The following CLCN2 variants were observed in gnomAD, a reference collection of about 807,000 sequenced individuals.
The protein encoded by CLCN2 is chloride channel protein 2.
In CLCN2, 72 loss-of-function variants were observed where a neutral mutation model predicts 108.3. The ratio of observed to expected loss-of-function variants is 0.66; its 90% CI spans 0.55 to 0.81. The LOEUF (loss-of-function observed/expected upper bound fraction) is 0.81. Ranked by LOEUF, CLCN2 falls within the 30% of genes least tolerant of loss-of-function variation. The probability of loss-of-function intolerance (pLI) is 0.00; values close to 1 mark genes in which losing one functional copy is unlikely to be tolerated. For missense variants in CLCN2, 1,048 were observed against 1,205.2 expected (o/e 0.87, Z 1.93); for synonymous variants, 471 against 467.1 (o/e 1.01, Z -0.11).
chr3:184,358,439 G>A, intron 3 of CLCN2, 129 bp from the exon 4 acceptor site: 4 of 1,358,634 alleles, frequency 2.9e-6, no homozygotes, highest in South Asian at 1.2e-5. Flanking sequence ...GAAGGAAAGG[G>A]TCCCTGAGGG....
rs567251418 is a variant in CLCN2, at chr3:184,347,256, C to T, written c.2416-235G>A. 1.8e-4 allele frequency: 101 copies of T among 575,934 alleles called. 1 individual carries two copies. The highest frequency in any genetic ancestry group is 2.8e-4 in the Non-Finnish European group (89 of 319,238). 35.7% of individuals were successfully genotyped at this position (575,934 alleles called of 1,614,324 possible). The stretch of plus-strand genomic sequence containing the variant: ...AAAATCCTTATATTGCTTACACTGA[C>T]GGAGAAATAGGATGGGGGAGTAATT... On this transcript the variant is annotated intron_variant, in intron 22 of 23. Transcript: ENST00000265593.
intron 18 of CLCN2, 107 bp downstream of exon 18, chr3:184,352,926 C>T: frequency 6.6e-7 from 1 of 1,514,758 alleles, no homozygotes; most frequent in Non-Finnish European, 9.2e-7. Flanking sequence ...CCCATGTGGG[C>T]AGCCTCTTCC....
chr3:184,358,183 G>A lies in CLCN2; in HGVS notation c.480C>T (p.Val160=), dbSNP rs764005393. ...CCCTCCCCTTCTCTTCTAACATACC[G>A]ACAGCCTGAGGGGCCAGGATCTGTG... ...GFTQILAPQA[V]GSGIPEMKTI... Residue 160 remains valine, a splice_region_variant and synonymous_variant, in exon 4 of 24, where the codon GTC becomes GTT. Coordinates refer to ENST00000265593, the MANE Select transcript of CLCN2 (RefSeq NM_004366.6). 1.1e-5 allele frequency: 18 copies of A among 1,613,976 alleles called. No homozygotes were observed. The highest frequency in any genetic ancestry group is 1.4e-5 in the Non-Finnish European group (17 of 1,180,026).
rs746334665 is a variant in CLCN2, at chr3:184,354,910, C to A, written c.1390G>T (p.Val464Phe). 4 of 1,613,934 alleles carry A rather than the reference C, an allele frequency of 2.5e-6. No individual in the cohort carries two copies. The East Asian group carries it at 8.9e-5, about 36-fold the overall frequency. ...VPCGAFMPVF[V>F]IGAAFGRLVG... is the part of the protein sequence containing the mutation. ...CAGGCAGCTGAGAACTCACCAATGACAAAGACAGGCATGAAGGCCCCACAG... is the reference window on the plus strand; with the variant it reads ...CAGGCAGCTGAGAACTCACCAATGAAAAAGACAGGCATGAAGGCCCCACAG... The change falls in exon 13 of 24, where the codon GTC becomes TTC. Residue 464 changes from valine (V) to phenylalanine (F), a missense_variant. Transcript: ENST00000265593.
intron 1 of CLCN2, among the ~76,000 whole-genome samples, chr3:184,360,832 A>G (rs1286406444): frequency 6.6e-6 from 1 of 152,058 alleles, no homozygotes. Flanking sequence ...CAATTCCCAC[A>G]CCCATTCCTG....
rs1727682474 is a variant in CLCN2, at chr3:184,346,618, G to T, written c.2685C>A (p.Asp895Glu). ...PREGSPSDSD[D>E]KCQ ...ACCCACGAGGGGCTCATTGGCATTTGTCGTCGCTGTCGGAAGGGCTGCCCT... is the reference window on the plus strand; with the variant it reads ...ACCCACGAGGGGCTCATTGGCATTTTTCGTCGCTGTCGGAAGGGCTGCCCT... Residue 895 changes from aspartate (D) to glutamate (E), a missense_variant, in exon 24 of 24, where the codon GAC becomes GAA. Coordinates refer to ENST00000265593, the MANE Select transcript of CLCN2 (RefSeq NM_004366.6). This position sits in a 1 kb window ranked among gnomAD's most constrained non-coding sequence, Gnocchi z 6.0. The T allele has an allele frequency of 6.2e-7, 1 of 1,614,032 alleles. No homozygotes were observed. The highest frequency in any genetic ancestry group is 2.2e-5 in the East Asian group (1 of 44,870).
In CLCN2 at chr3:184,358,758, G is replaced by A. The variant is rs764421353; in HGVS notation, c.276C>T (p.Ile92=). 5.6e-6 allele frequency: 9 copies of A among 1,608,826 alleles called. No homozygotes were observed. The highest frequency in any genetic ancestry group is 4.5e-5 in the East Asian group (2 of 44,746). ...TGAGAAGCCCCAGCAGGACCAGGAA[G>A]ATCCAATCTTCACCAACCCTGGATA... The part of the protein sequence containing the change: ...FLVSRVGEDW[I]FLVLLGLLMA... Residue 92 remains isoleucine, a synonymous_variant, in exon 3 of 24, where the codon ATC becomes ATT. Transcript: ENST00000265593.
At position 184,355,499 on chromosome 3, in the gene CLCN2, ACAGGGTGAC is replaced by A; in HGVS notation, c.1192_1200del (p.Val398_Leu400del). On this transcript the variant is annotated inframe_deletion, in exon 12 of 24. Transcript: ENST00000265593. The surrounding 1 kb of genome is among the most constrained non-coding windows in gnomAD (Gnocchi z 6.3). ...TGGCGGACCCACGTCCGATTGTCAA[ACAGGGTGAC>A]CAGCGTCTCTTTCTGTGAGAGCTAG... The A allele has an allele frequency of 9.9e-6, 16 of 1,614,120 alleles. No individual in the cohort carries two copies. The highest frequency in any genetic ancestry group is 1.4e-5 in the Non-Finnish European group (16 of 1,180,016).
rs1436805140 is a variant in CLCN2 at position 184,361,113 on chromosome 3, A to C, written c.63+304T>G. On this transcript the variant is annotated intron_variant, in intron 1 of 23. Transcript: ENST00000265593. The surrounding 1 kb of genome is among the most constrained non-coding windows in gnomAD (Gnocchi z 6.6). ...CCGCGGAAGGGGCAGTGGGGTGCTG[A>C]GACTTGGGCCCAGGTGGTGAAGGGG... Among the ~76,000 whole-genome samples, 2 of 152,132 alleles carry C rather than the reference A, an allele frequency of 1.3e-5. No homozygotes were observed. The highest frequency in any genetic ancestry group is 2.4e-5 in the African/African-American group (1 of 41,422).
rs1245141384 is a variant in CLCN2, at chr3:184,357,091, AAT to A, written c.985_986del (p.Ile329CysfsTer2). ...AGAGGGCTCCACCGAAGCCACTAGCAATACTGGAAAGGGAAGAGGCACCTGAG... is the reference window on the plus strand; with the variant it reads ...AGAGGGCTCCACCGAAGCCACTAGCAACTGGAAAGGGAAGAGGCACCTGAG... ...QELPAFAVIG[I>X]ASGFGGALFV... On this transcript the variant is annotated frameshift_variant and splice_region_variant, in exon 10 of 24. Transcript: ENST00000265593. LOFTEE classifies it high-confidence loss of function. 4.3e-6 allele frequency: 7 copies of A among 1,613,264 alleles called. No homozygotes were observed. The highest frequency in any genetic ancestry group is 2.7e-5 in the African/African-American group (2 of 74,892).
At position 184,352,338 on chromosome 3, in the gene CLCN2, G is replaced by A. The variant is rs1376313190; in HGVS notation, c.2272-7C>T. 3.1e-6 allele frequency: 5 copies of A among 1,613,720 alleles called. No individual in the cohort carries two copies. Among genetic ancestry groups the A allele is most frequent in the East Asian group, 2.2e-5 (1 of 44,890 alleles). On this transcript the variant is annotated splice_region_variant and splice_polypyrimidine_tract_variant and intron_variant, in intron 20 of 23. Transcript: ENST00000265593. ...CTTCCAGGTCCGCGTCACTCTAGTA[G>A]AGAGGGAGGGAGGCTGGCAGCTAGG... is the stretch of plus-strand genomic sequence containing the variant.
In CLCN2 at chr3:184,355,101, C is replaced by G; in HGVS notation, c.1327-128G>C. On this transcript the variant is annotated intron_variant, in intron 12 of 23. Transcript: ENST00000265593. This position sits in a 1 kb window ranked among gnomAD's most constrained non-coding sequence, Gnocchi z 6.3. ...ACCCTCCCAGCCACCCCGTAACCCT[C>G]CTAGCTACCCTGGGACCCCCAGGCC... 1.1e-6 allele frequency: 1 copy of G among 941,074 alleles called. No individual in the cohort carries two copies. The highest frequency in any genetic ancestry group is 2.0e-5 in the Admixed American group (1 of 49,584). 58.3% of individuals were successfully genotyped at this position (941,074 alleles called of 1,614,324 possible).
At chr3:184,352,603 C>CCTGAG (rs1392985802) in intron 19 of CLCN2, 107 bp from the exon 20 acceptor site, 7 of 1,447,136 alleles carry the variant, frequency 4.8e-6, no homozygotes, top group Non-Finnish European at 6.7e-6. Context: ...CGCCACAGGA[C>CCTGAG]CTGAGCTGAC....
intron 1 of CLCN2, among the ~76,000 whole-genome samples, chr3:184,359,679 A>C (rs1284472283): frequency 6.6e-6 from 1 of 151,334 alleles, no homozygotes; most frequent in Admixed American, 6.6e-5. Context: ...CCCATTCTCC[A>C]CTGCCACCCC....
chr3:184,352,335 G>C lies in CLCN2; in HGVS notation c.2272-4C>G, dbSNP rs756856314. On this transcript the variant is annotated splice_region_variant and splice_polypyrimidine_tract_variant and intron_variant, in intron 20 of 23. Transcript: ENST00000265593. Reference sequence around the variant, plus strand: ...CGCCTTCCAGGTCCGCGTCACTCTAGTAGAGAGGGAGGGAGGCTGGCAGCT... The same window carrying C: ...CGCCTTCCAGGTCCGCGTCACTCTACTAGAGAGGGAGGGAGGCTGGCAGCT... 1.2e-6 allele frequency: 2 copies of C among 1,613,850 alleles called. No individual in the cohort carries two copies. Among genetic ancestry groups the C allele is most frequent in the South Asian group, 2.2e-5 (2 of 91,070 alleles).
chr3:184,348,075 TCACTTAAATTGCCTTAA>T (rs1330015187), intron 22 of CLCN2: 1 of 152,222 alleles, frequency 6.6e-6, no homozygotes, highest in African/African-American at 2.4e-5. Flanking sequence ...TACTCAGAAC[TCACTTAAATTGCCTTAA>T]CACTTTTTAA....
At chr3:184,354,691 A>C in intron 13 of CLCN2, 33 bp from the exon 14 acceptor site, 2 of 971,694 alleles carry the variant, frequency 2.1e-6, no homozygotes, top group African/African-American at 2.5e-5. Context: ...AGAAAGAGGC[A>C]GTGGAGGGGG....
At chr3:184,351,903 C>T in intron 22 of CLCN2, 110 bp downstream of exon 22, 3 of 833,608 alleles carry the variant, frequency 3.6e-6, no homozygotes, top group Non-Finnish European at 6.3e-6. Context: ...AGCCAACTCC[C>T]TTCTCCTCCC....
Position 184,361,328 on chromosome 3 carries a change from G to C in CLCN2, c.63+89C>G, listed in dbSNP as rs576008271. On this transcript the variant is annotated intron_variant, in intron 1 of 23. Coordinates refer to ENST00000265593, the MANE Select transcript of CLCN2 (RefSeq NM_004366.6). This position sits in a 1 kb window ranked among gnomAD's most constrained non-coding sequence, Gnocchi z 6.6. ...AGCTCAAAATGCTAGGACAGGATTA[G>C]GGTAGGCCCCTGGTCCTCGCGCTTC... is the stretch of plus-strand genomic sequence containing the variant. 243 of 1,334,606 alleles carry C rather than the reference G, an allele frequency of 1.8e-4. 1 individual carries two copies. In the East Asian group the frequency reaches 5.5e-3, roughly 30 times the overall value. 82.7% of individuals were successfully genotyped at this position (1,334,606 alleles called of 1,614,324 possible). A position where few individuals can be genotyped will look rare whatever the true frequency, so the allele number is the denominator to read the frequency against.
Sources: gnomAD v4.1 joint callset for allele counts (sites outside exome capture counted in the v4.1 genomes callset) on GRCh38, gnomAD v4.1.1 for gene constraint, Gnocchi (gnomAD v3.1) non-coding constraint, MANE v1.5 for transcripts, NCBI Gene and HGNC (gene_info 2026-07-23, HGNC 2026-07-21) for gene names.